KLF7: variants seen among roughly 807,000 people sequenced by gnomAD.
KLF7 encodes KLF transcription factor 7.
In KLF7, 2 loss-of-function variants were observed where a neutral mutation model predicts 27.3. The observed-to-expected ratio is 0.07, with a 90% CI of 0.03 to 0.23. The LOEUF is 0.23. Ranked by LOEUF, KLF7 falls within the 10% of genes least tolerant of loss-of-function variation. The probability of loss-of-function intolerance (pLI) is 1.00; values close to 1 mark genes in which losing one functional copy is unlikely to be tolerated. For missense variants in KLF7, 221 were observed against 394.1 expected, an observed-to-expected ratio of 0.56 and a Z score of 3.72; for synonymous variants, 165 against 162.4, an observed-to-expected ratio of 1.02 and a Z score of -0.12.
At chr2:207,082,513 C>G (rs765186174) in intron 3 of KLF7, among the ~76,000 whole-genome samples, 1 of 152,216 alleles carries the variant, frequency 6.6e-6, no homozygotes, top group Non-Finnish European at 1.5e-5. Context: ...TGGAGGCTAA[C>G]TGCAGTCTAT....
chr2:207,155,641 G>C (rs2078362048), intron 1 of KLF7, among the ~76,000 whole-genome samples: 1 of 152,142 alleles, frequency 6.6e-6, no homozygotes, highest in South Asian at 2.1e-4. Context: ...AGAAGGGGAG[G>C]AGAATGTACA....
upstream of KLF7, chr2:207,167,041 T>C: frequency 9.2e-7 from 1 of 1,081,772 alleles, no homozygotes; most frequent in Non-Finnish European, 1.2e-6. Context: ...GGCCTGTTGC[T>C]CGACTGTGCG....
At chr2:207,081,477 A>G (rs1021369096) in intron 3 of KLF7, among the ~76,000 whole-genome samples, 1 of 152,150 alleles carries the variant, frequency 6.6e-6, no homozygotes, top group Non-Finnish European at 1.5e-5. Flanking sequence ...GAGCACATTA[A>G]CCTGTCTGTA....
chr2:207,169,270 C>CG (rs1247403808), upstream of KLF7, among the ~76,000 whole-genome samples: 1 of 151,920 alleles, frequency 6.6e-6, no homozygotes, highest in South Asian at 2.1e-4. Flanking sequence ...TCCCCCCACC[C>CG]GGGGGGAGCT....
rs1350106938 is a variant in KLF7, at chr2:207,081,273, T to C, written c.858-9A>G. 6.2e-7 allele frequency: 1 copy of C among 1,611,630 alleles called. No individual in the cohort carries two copies. The highest frequency in any genetic ancestry group is 1.7e-5 in the Admixed American group (1 of 60,018). The stretch of plus-strand genomic sequence containing the variant: ...CAGACCTGGAAAAACACCTAGGAGA[T>C]ATAAACAACAAGGATATTAGAGAAC... On this transcript the variant is annotated splice_polypyrimidine_tract_variant and intron_variant, in intron 3 of 3. Transcript: ENST00000309446.
chr2:207,162,738 T>C (rs147992338), intron 1 of KLF7, among the ~76,000 whole-genome samples: 1 of 152,224 alleles, frequency 6.6e-6, no homozygotes, highest in Non-Finnish European at 1.5e-5. Flanking sequence ...ATCTTCAATT[T>C]TCAAACGTAA....
chr2:207,094,427 A>G (rs2076580153), intron 2 of KLF7, among the ~76,000 whole-genome samples: 1 of 152,180 alleles, frequency 6.6e-6, no homozygotes, highest in Admixed American at 6.5e-5. Context: ...GACTTGGATT[A>G]AGAATTTGGA....
At chr2:207,121,688 A>T (rs2077345062) in intron 2 of KLF7, 1 of 152,240 alleles carries the variant, frequency 6.6e-6, no homozygotes, top group African/African-American at 2.4e-5. Flanking sequence ...ACATGAGGCA[A>T]GTAGTTGCAG....
rs1244842390 is a variant in KLF7 at position 207,079,363 on chromosome 2, T to TTAACAGTCAATGAGTC, written c.*1834_*1849dup. On this transcript the variant is annotated 3_prime_UTR_variant, in exon 4 of 4. Transcript: ENST00000309446. The stretch of plus-strand genomic sequence containing the variant: ...TCCCAAATATGTATGGGGTGGCATT[T>TTAACAGTCAATGAGTC]TAACAGTCAATGAGTCAAACAGTCA... 1 of 152,204 alleles carries TTAACAGTCAATGAGTC rather than the reference T, an allele frequency of 6.6e-6. No individual in the cohort carries two copies. The highest frequency in any genetic ancestry group is 1.5e-5 in the Non-Finnish European group (1 of 68,040). The allele number at this position is 152,204 out of a possible 1,614,324, so 9.4% of individuals were successfully genotyped here.
intron 1 of KLF7, among the ~76,000 whole-genome samples, chr2:207,134,948 T>C (rs1270103898): frequency 1.3e-5 from 2 of 152,256 alleles, no homozygotes; most frequent in East Asian, 1.9e-4. Context: ...CTGTATGTTG[T>C]AGCTATTCAA....
chr2:207,123,909 C>G lies in KLF7; in HGVS notation c.598G>C (p.Asp200His), dbSNP rs780771483. Reference protein sequence around the residue: ...AAGAVKSGQSDSDQGGLGAEA... With the variant: ...AAGAVKSGQSHSDQGGLGAEA... ...GCCCCCAGCCCTCCTTGGTCACTGT[C>G]GCTCTGTCCACTCTTAACGGCCCCC... The change falls in exon 2 of 4, where the codon GAC (aspartate) becomes CAC (histidine). Residue 200 changes from aspartate (D) to histidine (H), a missense_variant. Around this residue, in one of 3 missense-constraint regions of KLF7, gnomAD observed 180 missense variants for 227.9 expected, o/e 0.79. Transcript: ENST00000309446. 1.2e-6 allele frequency: 2 copies of G among 1,613,962 alleles called. No homozygotes were observed. The highest frequency in any genetic ancestry group is 1.7e-6 in the Non-Finnish European group (2 of 1,180,028).
At chr2:207,159,035 C>A (rs560383405) in intron 1 of KLF7, among the ~76,000 whole-genome samples, 2 of 152,258 alleles carry the variant, frequency 1.3e-5, no homozygotes, top group East Asian at 3.9e-4. Context: ...GTTGAGGAAA[C>A]CAAGACCCTT....
At chr2:207,089,804 C>T (rs1422100055) in intron 2 of KLF7, among the ~76,000 whole-genome samples, 1 of 152,062 alleles carries the variant, frequency 6.6e-6, no homozygotes, top group Admixed American at 6.5e-5. Context: ...TAGAACAATG[C>T]CTGGCATATG....
upstream of KLF7, among the ~76,000 whole-genome samples, chr2:207,170,310 G>A (rs1215455300): frequency 6.6e-6 from 1 of 152,184 alleles, no homozygotes; most frequent in Non-Finnish European, 1.5e-5. Flanking sequence ...AAGGATGAGA[G>A]AGGTGAGGAA....
intron 1 of KLF7, among the ~76,000 whole-genome samples, chr2:207,143,624 C>T (rs1029962515): frequency 1.1e-4 from 17 of 152,246 alleles, no homozygotes; most frequent in Admixed American, 9.2e-4. Flanking sequence ...GGCCAGTAAC[C>T]CTCAGTGGCT....
chr2:207,122,625 G>C (rs2077368908), intron 2 of KLF7, among the ~76,000 whole-genome samples: 1 of 152,110 alleles, frequency 6.6e-6, no homozygotes. Context: ...GGCAGAGTTA[G>C]AACTAAAGCC....
At chr2:207,108,684 C>T (rs1327605946) in intron 2 of KLF7, among the ~76,000 whole-genome samples, 1 of 152,186 alleles carries the variant, frequency 6.6e-6, no homozygotes, top group Non-Finnish European at 1.5e-5. Flanking sequence ...GAGACTGCTG[C>T]ACATAACAAG....
At chr2:207,134,854 ATAG>A (rs2077741248) in intron 1 of KLF7, among the ~76,000 whole-genome samples, 3 of 152,172 alleles carry the variant, frequency 2.0e-5, no homozygotes. Context: ...AAATGGGGTA[ATAG>A]TAGTACCTAC....
chr2:207,137,087 C>T (rs2077810870), intron 1 of KLF7, among the ~76,000 whole-genome samples: 2 of 152,124 alleles, frequency 1.3e-5, no homozygotes, highest in South Asian at 2.1e-4. Flanking sequence ...CCCCTCCCCT[C>T]TCCTCACCTG....
Sources: gnomAD v4.1 joint callset for allele counts (sites outside exome capture counted in the v4.1 genomes callset) on GRCh38, gnomAD v4.1.1 for gene constraint, gnomAD v4.1.1 regional missense constraint, MANE v1.5 for transcripts, NCBI Gene and HGNC (gene_info 2026-07-23, HGNC 2026-07-21) for gene names.